CFAP46: variants seen among roughly 807,000 people sequenced by gnomAD.
The protein encoded by CFAP46 is cilia- and flagella-associated protein 46.
Under a neutral mutation model 325.7 loss-of-function variants are expected in CFAP46, and 245 were observed. That is an observed-to-expected ratio of 0.75 (90% CI 0.68 to 0.84). The LOEUF is 0.84. CFAP46 is among the 40% of genes least tolerant of loss of function. The pLI, the probability that CFAP46 is intolerant of heterozygous loss-of-function variation, is 0.00. For missense variants in CFAP46, 3,346 were observed against 3,543.0 expected, an observed-to-expected ratio of 0.94 and a Z score of 1.41; for synonymous variants, 1,523 against 1,495.9, an observed-to-expected ratio of 1.02 and a Z score of -0.42.
chr10:132,825,162 G>C (rs1394279183), intron 50 of CFAP46, among the ~76,000 whole-genome samples: 1 of 141,858 alleles, frequency 7.0e-6, no homozygotes, highest in African/African-American at 2.7e-5. Flanking sequence ...TGTGTGTGCA[G>C]TGATGTGTGC....
chr10:132,913,815 C>T (rs1349803328), intron 17 of CFAP46, among the ~76,000 whole-genome samples: 3 of 103,508 alleles, frequency 2.9e-5, no homozygotes, highest in African/African-American at 1.7e-4. Flanking sequence ...TGGGGCAGAG[C>T]GTCTCTGCCC....
chr10:132,890,921 A>G (rs1253896629), intron 25 of CFAP46, among the ~76,000 whole-genome samples: 5 of 152,214 alleles, frequency 3.3e-5, no homozygotes, highest in Non-Finnish European at 5.9e-5. Context: ...TCTATTCCAC[A>G]GCATTTAAAG....
At position 132,919,335 on chromosome 10, in the gene CFAP46, T is replaced by C; in HGVS notation, c.1838A>G (p.Lys613Arg). The C allele has an allele frequency of 6.5e-7, 1 of 1,550,054 alleles. No individual in the cohort carries two copies. Among genetic ancestry groups the C allele is most frequent in the Non-Finnish European group, 8.7e-7 (1 of 1,146,820 alleles). The change falls in exon 15 of 58, where the codon AAG becomes AGG. Residue 613 changes from lysine (K) to arginine (R), a missense_variant. Physicochemically the swap from Lys to Arg is conservative, Grantham distance 26. Transcript: ENST00000368586. This position sits in a 1 kb window ranked among gnomAD's most constrained non-coding sequence, Gnocchi z 9.7. ...CGAACCTCGCCGCAGCCTCAACTTC[T>C]TCACCTTGACGTTGTCATACAGGAG... Reference protein sequence around the residue: ...FCLLYDNVKVKKLRLRRGKKK... With the variant: ...FCLLYDNVKVRKLRLRRGKKK...
At position 132,836,924 on chromosome 10, in the gene CFAP46, G is replaced by A. The variant is rs1023113270; in HGVS notation, c.6439-10C>T. On this transcript the variant is annotated splice_polypyrimidine_tract_variant and intron_variant, in intron 44 of 57. Coordinates refer to ENST00000368586, the MANE Select transcript of CFAP46 (RefSeq NM_001200049.3). ...AGAGATTTTGCCAAGCCTGTGTGGC[G>A]AAAAACGGCCATCAGGGGATGCATT... The A allele has an allele frequency of 3.7e-6, 6 of 1,606,250 alleles. No individual in the cohort carries two copies. The highest frequency in any genetic ancestry group is 3.3e-5 in the Admixed American group (2 of 60,002).
chr10:132,845,947 TG>T lies in CFAP46; in HGVS notation c.6438+109del, dbSNP rs993563878. On this transcript the variant is annotated intron_variant, in intron 44 of 57. Transcript: ENST00000368586. ...GCACGGGGAGGGATGGCTCATGAGC[TG>T]GGGGGTGAGCAAGGCTGCCTCGCTC... 4.2e-5 allele frequency: 51 copies of T among 1,222,446 alleles called. 2 individuals carry two copies. Among genetic ancestry groups the T allele is most frequent in the South Asian group, 1.5e-4 (10 of 67,066 alleles). 75.7% of individuals were successfully genotyped at this position (1,222,446 alleles called of 1,614,324 possible). A position where few individuals can be genotyped will look rare whatever the true frequency, so the allele number is the denominator to read the frequency against.
At chr10:132,913,355 G>T in intron 17 of CFAP46, 97 bp from the exon 18 acceptor site, 2 of 747,746 alleles carry the variant, frequency 2.7e-6, no homozygotes, top group Non-Finnish European at 2.1e-6. Flanking sequence ...CCAGGCTGCA[G>T]GGCAAGAAGT....
At chr10:132,868,161 C>T (rs141010617) in intron 33 of CFAP46, among the ~76,000 whole-genome samples, 1,551 of 152,368 alleles carry the variant, frequency 0.01, 15 homozygotes, top group South Asian at 0.044. Context: ...TCCCCGGCCA[C>T]GCGCGTTCCA....
At chr10:132,820,673 CACTGATGTGTGCTGTGTGT>C (rs1847780606) in intron 50 of CFAP46, among the ~76,000 whole-genome samples, 2 of 91,926 alleles carry the variant, frequency 2.2e-5, no homozygotes, top group African/African-American at 8.7e-5. Context: ...GCTGTGTGTG[CACTGATGTGTGCTGTGTGT>C]GCTGATGTGT....
chr10:132,925,067 T>C (rs570020835), intron 10 of CFAP46, among the ~76,000 whole-genome samples, 181 bp from the exon 11 acceptor site: 64 of 152,290 alleles, frequency 4.2e-4, no homozygotes, highest in African/African-American at 1.3e-3. Context: ...GAAGTGGACG[T>C]CTCACAAGAT....
rs1208589471 is a variant in CFAP46 at position 132,885,286 on chromosome 10, G to A, written c.3444C>T (p.Leu1148=). Residue 1148 remains leucine (L), a splice_region_variant and synonymous_variant, in exon 27 of 58, where the codon CTC becomes CTT. Transcript: ENST00000368586. ...CGATGACCATGTGCTTGAAGATCAA[G>A]CTAAAGAAAGGGAAGGTGAGAAACC... ...VQVLPRTAHR[L]LIFKHMVIVK... is the part of the protein sequence containing the mutation. 1.3e-6 allele frequency: 2 copies of A among 1,541,756 alleles called. No individual in the cohort carries two copies. Among genetic ancestry groups the A allele is most frequent in the Non-Finnish European group, 1.8e-6 (2 of 1,140,840 alleles).
Position 132,860,417 on chromosome 10 carries a change from CT to C in CFAP46, c.5197del (p.Arg1733GlyfsTer3), listed in dbSNP as rs1848704358. On this transcript the variant is annotated frameshift_variant and splice_region_variant, in exon 37 of 58. Coordinates refer to ENST00000368586, the MANE Select transcript of CFAP46 (RefSeq NM_001200049.3). LOFTEE classifies it high-confidence loss of function. ...AACAGTGTTTCTTACAAAGAGTTAC[CT>C]GGCTTCTAGATCTGTGATCATGAAT... ...LEFMITDLEA[R>X]CLSLRVRVAQ... The C allele has an allele frequency of 2.1e-5, 33 of 1,547,640 alleles. No homozygotes were observed. The highest frequency in any genetic ancestry group is 2.8e-5 in the Non-Finnish European group (32 of 1,143,946).
intron 8 of CFAP46, among the ~76,000 whole-genome samples, chr10:132,931,775 C>CCA (rs2135696090): frequency 2.3e-5 from 3 of 131,098 alleles, no homozygotes; most frequent in Admixed American, 7.6e-5. Context: ...TTCCTCCTTG[C>CCA]CACACAGAGC....
At chr10:132,913,773 G>A (rs1048722210) in intron 17 of CFAP46, among the ~76,000 whole-genome samples, 2 of 152,062 alleles carry the variant, frequency 1.3e-5, no homozygotes, top group Non-Finnish European at 2.9e-5. Context: ...GTGGAGCCCT[G>A]GGCTCAGAAA....
At chr10:132,857,488 A>G in intron 39 of CFAP46, 102 bp downstream of exon 39, 1 of 1,149,346 alleles carries the variant, frequency 8.7e-7, no homozygotes, top group South Asian at 1.4e-5. Context: ...ATTCCATTTC[A>G]GCTAGAAGCA....
Position 132,834,646 on chromosome 10 carries a change from C to G in CFAP46, c.6866+8G>C, listed in dbSNP as rs368877513. 2.5e-6 allele frequency: 4 copies of G among 1,612,958 alleles called. No individual in the cohort carries two copies. Among genetic ancestry groups the G allele is most frequent in the Admixed American group, 1.7e-5 (1 of 59,970 alleles). The stretch of plus-strand genomic sequence containing the variant: ...GTGGGGTGCCAGCCTCAACGTCATC[C>G]CCAGTACCTGGCCTTGGAGAGGCTG... On this transcript the variant is annotated splice_region_variant and intron_variant, in intron 48 of 57. Coordinates refer to ENST00000368586, the MANE Select transcript of CFAP46 (RefSeq NM_001200049.3).
intron 48 of CFAP46, 42 bp downstream of exon 48, chr10:132,834,612 G>A (rs761998163): frequency 1.4e-5 from 22 of 1,606,634 alleles, no homozygotes; most frequent in South Asian, 1.3e-4. Flanking sequence ...GTGTCCATGC[G>A]TGAGCGTGGT....
At chr10:132,896,529 C>T (rs12256274) in intron 24 of CFAP46, among the ~76,000 whole-genome samples, 2 of 152,100 alleles carry the variant, frequency 1.3e-5, no homozygotes, top group African/African-American at 4.8e-5. Flanking sequence ...ATAAATCTAA[C>T]CAAAGAGGTG....
At chr10:132,833,321 A>T in intron 50 of CFAP46, 37 bp downstream of exon 50, 1 of 1,547,470 alleles carries the variant, frequency 6.5e-7, no homozygotes, top group Non-Finnish European at 8.8e-7. Context: ...TTTCCATTTT[A>T]AAATTACACA....
chr10:132,811,796 G>T (rs1458430607), intron 55 of CFAP46, among the ~76,000 whole-genome samples: 1 of 152,224 alleles, frequency 6.6e-6, no homozygotes, highest in South Asian at 2.1e-4. Context: ...GATGGCCAAG[G>T]CCCAGGCTTG....
Sources: gnomAD v4.1 joint callset for allele counts (sites outside exome capture counted in the v4.1 genomes callset) on GRCh38, gnomAD v4.1.1 for gene constraint, Gnocchi (gnomAD v3.1) non-coding constraint, MANE v1.5 for transcripts, NCBI Gene and HGNC (gene_info 2026-07-23, HGNC 2026-07-21) for gene names.